The following ANKRD31 variants were observed in gnomAD, a reference collection of about 807,000 sequenced individuals.
ANKRD31 encodes the protein ankyrin repeat domain-containing protein 31.
In ANKRD31, 147 loss-of-function variants were observed where a neutral mutation model predicts 186.0. That is an observed-to-expected ratio of 0.79 (90% CI 0.69 to 0.91). The LOEUF is 0.91. Among genes scored for constraint, ANKRD31 ranks in the 40% least tolerant of loss-of-function variants. The pLI is 0.00. For missense variants in ANKRD31, 1,986 were observed against 2,148.8 expected (o/e 0.92, Z 1.50); for synonymous variants, 673 against 736.4 (o/e 0.91, Z 1.39).
chr5:75,180,611 C>T (rs1754208603), intron 10 of ANKRD31, among the ~76,000 whole-genome samples: 1 of 152,082 alleles, frequency 6.6e-6, no homozygotes, highest in African/African-American at 2.4e-5. Context: ...TTTGACAAAC[C>T]TGACAAAAAT....
chr5:75,086,908 T>C (rs1012653311), intron 23 of ANKRD31, among the ~76,000 whole-genome samples: 1 of 151,720 alleles, frequency 6.6e-6, no homozygotes, highest in African/African-American at 2.4e-5. Flanking sequence ...CACACACACA[T>C]GCATGTTTGA....
At chr5:75,209,309 G>T (rs1269959719) in intron 4 of ANKRD31, among the ~76,000 whole-genome samples, 1 of 150,964 alleles carries the variant, frequency 6.6e-6, no homozygotes, top group Non-Finnish European at 1.5e-5. Context: ...CACCTCTCAA[G>T]TTAAAAAAAA....
intron 11 of ANKRD31, among the ~76,000 whole-genome samples, chr5:75,159,346 C>A (rs1752420739): frequency 6.6e-6 from 1 of 151,932 alleles, no homozygotes; most frequent in South Asian, 2.1e-4. Context: ...TGAAAACTTG[C>A]CAAATCTGAT....
chr5:75,079,862 T>C (rs919834684), intron 25 of ANKRD31, among the ~76,000 whole-genome samples: 1 of 151,914 alleles, frequency 6.6e-6, no homozygotes, highest in African/African-American at 2.4e-5. Context: ...CAGAACTTTG[T>C]GAGGCTGAGG....
chr5:75,099,640 TC>T (rs1746650748), intron 22 of ANKRD31, among the ~76,000 whole-genome samples: 1 of 152,236 alleles, frequency 6.6e-6, no homozygotes, highest in South Asian at 2.1e-4. Context: ...GGATTCAACT[TC>T]TTCCTGGTTT....
Position 75,116,600 on chromosome 5 carries a change from G to A in ANKRD31, c.4121C>T (p.Ser1374Leu). The A allele has an allele frequency of 1.4e-6, 2 of 1,468,536 alleles. No individual in the cohort carries two copies. The highest frequency in any genetic ancestry group is 2.8e-5 in the African/African-American group (2 of 72,270). 91.0% of individuals were successfully genotyped at this position (1,468,536 alleles called of 1,614,324 possible). ...GCTTTCTCTTGATCTTTCTTGGTGTGAAAGGGAAGATGAGTCAATAGTTTT... is the reference window on the plus strand; with the variant it reads ...GCTTTCTCTTGATCTTTCTTGGTGTAAAAGGGAAGATGAGTCAATAGTTTT... ...DGKTIDSSSL[S>L]HQERSRESLS... The change falls in exon 19 of 26, where the codon TCA (serine) becomes TTA (leucine). Residue 1374 changes from serine (S) to leucine (L), a missense_variant. By Grantham distance (145) the Ser-to-Leu change is moderately radical (BLOSUM62 -2). Transcript: ENST00000506364.
intron 11 of ANKRD31, among the ~76,000 whole-genome samples, chr5:75,166,741 A>T (rs2150183656): frequency 6.6e-6 from 1 of 152,338 alleles, no homozygotes; most frequent in African/African-American, 2.4e-5. Context: ...TTAGTCTGGC[A>T]TGACTTGTTC....
intron 19 of ANKRD31, among the ~76,000 whole-genome samples, chr5:75,115,680 A>T (rs1049617767): frequency 6.6e-6 from 1 of 152,188 alleles, no homozygotes; most frequent in Non-Finnish European, 1.5e-5. Flanking sequence ...ACTGGCCATC[A>T]GAGAAATGCA....
chr5:75,125,941 A>G (rs543313059), intron 17 of ANKRD31, among the ~76,000 whole-genome samples: 2 of 152,338 alleles, frequency 1.3e-5, no homozygotes, highest in Admixed American at 6.5e-5. Flanking sequence ...CACGACTACA[A>G]TAATGACTTA....
chr5:75,084,143 G>C, intron 24 of ANKRD31, 129 bp downstream of exon 24: 2 of 712,004 alleles, frequency 2.8e-6, no homozygotes, highest in Non-Finnish European at 4.7e-6. Context: ...TGTTCACCTT[G>C]AAATAGTTAA....
chr5:75,222,251 G>GTA lies in ANKRD31; in HGVS notation c.284_285dup (p.Gln96TyrfsTer34). On this transcript the variant is annotated frameshift_variant, in exon 3 of 26. Coordinates refer to ENST00000506364, the MANE Select transcript of ANKRD31 (RefSeq NM_001372053.1). LOFTEE classifies it high-confidence loss of function. ...TATTCAATCAACATGCTACACACCT[G>GTA]TAATATTGTATCCTCGCTAAGAACA... 6.5e-7 allele frequency: 1 copy of GTA among 1,531,088 alleles called. No individual in the cohort carries two copies. The highest frequency in any genetic ancestry group is 8.8e-7 in the Non-Finnish European group (1 of 1,141,892). 94.8% of individuals were successfully genotyped at this position (1,531,088 alleles called of 1,614,324 possible).
intron 22 of ANKRD31, among the ~76,000 whole-genome samples, chr5:75,100,029 A>G (rs1388276935): frequency 6.6e-6 from 1 of 152,064 alleles, no homozygotes; most frequent in African/African-American, 2.4e-5. Context: ...TGTCAATTTT[A>G]GGTCTTTCCT....
chr5:75,120,378 A>T (rs1275620312), intron 17 of ANKRD31, among the ~76,000 whole-genome samples: 2 of 152,204 alleles, frequency 1.3e-5, no homozygotes, highest in Non-Finnish European at 2.9e-5. Context: ...TCTCAAAAAA[A>T]AAAATTATAG....
chr5:75,187,747 T>C (rs895458074), intron 10 of ANKRD31, among the ~76,000 whole-genome samples: 2 of 152,122 alleles, frequency 1.3e-5, no homozygotes, highest in Non-Finnish European at 2.9e-5. Context: ...GGTAAAGTAC[T>C]GGGGGTGCAC....
intron 7 of ANKRD31, among the ~76,000 whole-genome samples, chr5:75,194,178 G>C (rs948624253): frequency 2.0e-5 from 3 of 152,042 alleles, no homozygotes; most frequent in Admixed American, 6.6e-5. Flanking sequence ...TATCCGTCTT[G>C]CAAAGCTTCT....
At chr5:75,145,772 A>G (rs1206042536) in intron 14 of ANKRD31, among the ~76,000 whole-genome samples, 1 of 152,056 alleles carries the variant, frequency 6.6e-6, no homozygotes, top group East Asian at 1.9e-4. Context: ...CCATCAGTCA[A>G]TATCAGCTTA....
chr5:75,135,699 G>A (rs371521966), intron 17 of ANKRD31, among the ~76,000 whole-genome samples: 6 of 152,072 alleles, frequency 3.9e-5, no homozygotes, highest in African/African-American at 7.2e-5. Flanking sequence ...AAAAGAGCCC[G>A]CATAGCCAAG....
At chr5:75,208,037 AT>A (rs554451840) in intron 4 of ANKRD31, among the ~76,000 whole-genome samples, 9 of 152,270 alleles carry the variant, frequency 5.9e-5, no homozygotes, top group African/African-American at 2.2e-4. Context: ...ACATATTAAT[AT>A]ATTTTTATGA....
intron 17 of ANKRD31, among the ~76,000 whole-genome samples, chr5:75,124,602 T>G (rs1749064923): frequency 6.6e-6 from 1 of 151,936 alleles, no homozygotes; most frequent in Admixed American, 6.6e-5. Flanking sequence ...CACACGTGCA[T>G]GCACACACAC....
Sources: gnomAD v4.1 joint callset for allele counts (sites outside exome capture counted in the v4.1 genomes callset) on GRCh38, gnomAD v4.1.1 for gene constraint, MANE v1.5 for transcripts, NCBI Gene and HGNC (gene_info 2026-07-23, HGNC 2026-07-21) for gene names.